Variants in PDLIM5 observed in about 807,000 individuals in gnomAD.
PDLIM5 encodes the protein PDZ and LIM domain protein 5.
In PDLIM5, 34 loss-of-function variants were observed where a neutral mutation model predicts 64.2. The ratio of observed to expected loss-of-function variants is 0.53; its 90% confidence interval spans 0.40 to 0.71. PDLIM5 has a LOEUF of 0.71. Among genes scored for constraint, PDLIM5 ranks in the 30% least tolerant of loss-of-function variants. PDLIM5 has a pLI of 0.00. For missense variants in PDLIM5, 683 were observed against 733.6 expected (o/e 0.93, Z 0.80); for synonymous variants, 253 against 269.1 (o/e 0.94, Z 0.59).
chr4:94,559,228 C>G (rs1452618614), intron 3 of PDLIM5, among the ~76,000 whole-genome samples: 1 of 152,148 alleles, frequency 6.6e-6, no homozygotes, highest in Non-Finnish European at 1.5e-5. Flanking sequence ...ACATAGGCTA[C>G]AGCAAGTATC....
chr4:94,657,667 C>A, intron 11 of PDLIM5, 120 bp downstream of exon 11: 1 of 698,960 alleles, frequency 1.4e-6, no homozygotes, highest in African/African-American at 1.8e-5. Flanking sequence ...GTTTTGGAAG[C>A]ATTTAATGCT....
chr4:94,579,640 C>T, intron 5 of PDLIM5: 1 of 501,230 alleles, frequency 2.0e-6, no homozygotes, highest in Non-Finnish European at 3.6e-6. Flanking sequence ...TGCAAAAGAG[C>T]TGTAATTTAG....
intron 2 of PDLIM5, among the ~76,000 whole-genome samples, chr4:94,505,212 AGGGT>A (rs956970778): frequency 1.3e-5 from 2 of 151,960 alleles, no homozygotes; most frequent in Non-Finnish European, 2.9e-5. Context: ...TTACAGATTG[AGGGT>A]TCAGTCCTAC....
intron 9 of PDLIM5, among the ~76,000 whole-genome samples, chr4:94,642,821 G>A (rs1509620): frequency 0.21 from 31,283 of 152,020 alleles, 3,431 homozygotes; most frequent in East Asian, 0.31. Context: ...TTGGACACCT[G>A]TTTTAAAAAC....
chr4:94,611,060 G>A, intron 7 of PDLIM5: 2 of 1,530,008 alleles, frequency 1.3e-6, no homozygotes. Context: ...CTTTCTAAAT[G>A]CTTACCAGGC....
rs768721210 is a variant in PDLIM5 at position 94,564,656 on chromosome 4, C to CTTTTTTTTTTTTTTT, written c.249-8690_249-8676dup. Among the ~76,000 whole-genome samples, 24 of 104,504 alleles carry CTTTTTTTTTTTTTTT rather than the reference C, an allele frequency of 2.3e-4. 2 individuals carry two copies. Among genetic ancestry groups the CTTTTTTTTTTTTTTT allele is most frequent in the African/African-American group, 5.2e-4 (12 of 23,026 alleles). 68.6% of individuals were successfully genotyped at this position (104,504 alleles called of 152,430 possible). Reference sequence around the variant, plus strand: ...CACCTTCAAAGGAGGAATTTTGTCTCTTTTTTTTTTTTTTTTTTTGACAGA... The same window carrying CTTTTTTTTTTTTTTT: ...CACCTTCAAAGGAGGAATTTTGTCTCTTTTTTTTTTTTTTTTTTTTTTTTTTTTTTTTTTGACAGA... On this transcript the variant is annotated intron_variant, in intron 3 of 12. Coordinates refer to ENST00000317968, the MANE Select transcript of PDLIM5 (RefSeq NM_006457.5).
At chr4:94,462,365 A>G (rs563610631) in intron 2 of PDLIM5, among the ~76,000 whole-genome samples, 22 of 151,300 alleles carry the variant, frequency 1.5e-4, no homozygotes, top group Admixed American at 3.9e-4. Context: ...TAATAGAAAT[A>G]CTTTTTTTTT....
chr4:94,498,859 C>G (rs774988), intron 2 of PDLIM5, among the ~76,000 whole-genome samples: 124,797 of 152,258 alleles, frequency 0.82, 51,269 homozygotes, highest in East Asian at 0.93. Context: ...TTTTATAAAG[C>G]CTGTTTTACT....
At chr4:94,599,327 G>A (rs967428513) in intron 7 of PDLIM5, among the ~76,000 whole-genome samples, 1 of 152,050 alleles carries the variant, frequency 6.6e-6, no homozygotes, top group African/African-American at 2.4e-5. Context: ...AAATATTGAG[G>A]TGGAGGGTAA....
chr4:94,512,947 C>A (rs1437808434), intron 2 of PDLIM5, among the ~76,000 whole-genome samples: 1 of 152,154 alleles, frequency 6.6e-6, no homozygotes, highest in Non-Finnish European at 1.5e-5. Context: ...CATTCTTCTG[C>A]ATATGGATGT....
intron 9 of PDLIM5, among the ~76,000 whole-genome samples, chr4:94,645,165 C>T (rs2902987): frequency 0.36 from 55,470 of 152,038 alleles, 11,135 homozygotes; most frequent in South Asian, 0.61. Flanking sequence ...TGAGAACATA[C>T]GATGTTTGGT....
At chr4:94,629,629 TA>T (rs1166798405) in intron 8 of PDLIM5, among the ~76,000 whole-genome samples, 11 of 152,222 alleles carry the variant, frequency 7.2e-5, no homozygotes, top group Non-Finnish European at 1.3e-4. Flanking sequence ...AGATCCAGTT[TA>T]ATCTGCGTTC....
chr4:94,490,815 AATG>A (rs1726805775), intron 2 of PDLIM5, among the ~76,000 whole-genome samples: 2 of 152,296 alleles, frequency 1.3e-5, no homozygotes, highest in Admixed American at 1.3e-4. Context: ...TATAAATTGC[AATG>A]ATAAGTAATT....
Position 94,654,561 on chromosome 4 carries a change from A to G in PDLIM5, c.1385A>G (p.Lys462Arg). ...TMAYIGFVEE[K>R]GALYCELCYE... ...GCCTACATTGGATTTGTAGAGGAGA[A>G]AGGAGCCCTGTATTGTGAGCTGTGC... is the stretch of plus-strand genomic sequence containing the variant. Residue 462 changes from lysine to arginine, a missense_variant, in exon 10 of 13, where the codon AAA becomes AGA. By Grantham distance (26) the Lys-to-Arg change is conservative (BLOSUM62 2). Transcript: ENST00000317968. The G allele has an allele frequency of 6.2e-7, 1 of 1,612,552 alleles. No homozygotes were observed. Among genetic ancestry groups the G allele is most frequent in the Non-Finnish European group, 8.5e-7 (1 of 1,178,554 alleles).
chr4:94,482,435 T>A (rs1725950839), intron 2 of PDLIM5, among the ~76,000 whole-genome samples: 1 of 152,254 alleles, frequency 6.6e-6, no homozygotes, highest in Admixed American at 6.5e-5. Context: ...TATGTGCAAG[T>A]GTGCAAAGAG....
At position 94,524,368 on chromosome 4, in the gene PDLIM5, C is replaced by CAA. The variant is rs34215993; in HGVS notation, c.248+518_248+519dup. Among the ~76,000 whole-genome samples the CAA allele has an allele frequency of 8.0e-3, 614 of 77,092 alleles. 15 individuals are homozygous for CAA. The highest frequency in any genetic ancestry group is 0.014 in the Non-Finnish European group (509 of 37,674). The allele number at this position is 77,092 out of a possible 152,430, so 50.6% of individuals were successfully genotyped here. ...TGGGTGACAGAACGAGACCCTGTCT[C>CAA]AAAAAAAAAAAAAAAAAAAAAAAAA... On this transcript the variant is annotated intron_variant, in intron 3 of 12. Coordinates refer to ENST00000317968, the MANE Select transcript of PDLIM5 (RefSeq NM_006457.5).
At chr4:94,606,441 A>G (rs77076217) in intron 7 of PDLIM5, among the ~76,000 whole-genome samples, 2,477 of 152,174 alleles carry the variant, frequency 0.016, 82 homozygotes, top group African/African-American at 0.057. Flanking sequence ...GTGTGGTAGA[A>G]CGAGGGCTGA....
chr4:94,550,179 G>A (rs552561257), intron 3 of PDLIM5, among the ~76,000 whole-genome samples: 1 of 151,976 alleles, frequency 6.6e-6, no homozygotes, highest in South Asian at 2.1e-4. Context: ...ACTTTATAAG[G>A]TTTGCTTCAA....
intron 7 of PDLIM5, among the ~76,000 whole-genome samples, chr4:94,614,282 ATGTT>A (rs1194574113): frequency 4.0e-5 from 6 of 151,648 alleles, no homozygotes; most frequent in African/African-American, 9.7e-5. Context: ...CTTTAGTACA[ATGTT>A]TGTTTTTTTA....
Sources: gnomAD v4.1 joint callset for allele counts (sites outside exome capture counted in the v4.1 genomes callset) on GRCh38, gnomAD v4.1.1 for gene constraint, MANE v1.5 for transcripts, NCBI Gene and HGNC (gene_info 2026-07-23, HGNC 2026-07-21) for gene names.